The following WASF3 variants were observed in gnomAD, a reference collection of about 807,000 sequenced individuals.
The protein encoded by WASF3 is WASP family member 3.
In WASF3, 11 loss-of-function variants were observed where a neutral mutation model predicts 46.6. The observed-to-expected ratio is 0.24, with a 90% CI of 0.15 to 0.39. The LOEUF (loss-of-function observed/expected upper bound fraction) is 0.39. WASF3 is among the 10% of genes least tolerant of loss of function. The pLI, the probability that WASF3 is intolerant of heterozygous loss-of-function variation, is 1.00. For synonymous variants in WASF3, 242 were observed against 259.7 expected, an observed-to-expected ratio of 0.93 and a Z score of 0.65; for missense variants, 576 against 669.8, an observed-to-expected ratio of 0.86 and a Z score of 1.55.
chr13:26,551,869 C>T, the WASF3 span, among the ~76,000 whole-genome samples: 1 of 152,248 alleles, frequency 6.6e-6, no homozygotes, highest in South Asian at 2.1e-4. Context: ...CATAGAGATG[C>T]TATCAGATCT....
chr13:26,667,864 TTAC>T (rs1219161660), intron 5 of WASF3, among the ~76,000 whole-genome samples, 194 bp downstream of exon 5: 1 of 152,230 alleles, frequency 6.6e-6, no homozygotes, highest in African/African-American at 2.4e-5. Context: ...ATTATTAAAG[TTAC>T]AGTATTTCAG....
intron 1 of WASF3, among the ~76,000 whole-genome samples, chr13:26,593,999 T>G (rs1054785954): frequency 6.6e-6 from 1 of 152,244 alleles, no homozygotes; most frequent in African/African-American, 2.4e-5. Context: ...TTGTGTTCAT[T>G]CCTTTATTCA....
intron 1 of WASF3, among the ~76,000 whole-genome samples, chr13:26,558,438 A>G (rs1478007181): frequency 1.4e-5 from 2 of 145,730 alleles, no homozygotes; most frequent in Non-Finnish European, 3.1e-5. Flanking sequence ...AGTGCAGGGG[A>G]GGAGGTGGGG....
At chr13:26,674,294 T>C (rs1883001229) in intron 6 of WASF3, among the ~76,000 whole-genome samples, 1 of 152,198 alleles carries the variant, frequency 6.6e-6, no homozygotes, top group Admixed American at 6.5e-5. Context: ...ATTCATTATT[T>C]TTACACTTGA....
intron 2 of WASF3, among the ~76,000 whole-genome samples, chr13:26,613,269 A>C (rs915893774): frequency 6.6e-6 from 1 of 151,870 alleles, no homozygotes; most frequent in South Asian, 2.1e-4. Flanking sequence ...GAAAGAGAAA[A>C]AAAAACTTGA....
intron 1 of WASF3, among the ~76,000 whole-genome samples, chr13:26,572,715 G>C (rs907988785): frequency 6.6e-6 from 1 of 152,032 alleles, no homozygotes; most frequent in African/African-American, 2.4e-5. Context: ...ACCATGCTGG[G>C]CTAATTTTTG....
At chr13:26,608,972 T>A (rs1391239253) in intron 1 of WASF3, among the ~76,000 whole-genome samples, 1 of 152,118 alleles carries the variant, frequency 6.6e-6, no homozygotes, top group East Asian at 1.9e-4. Flanking sequence ...GTTTAGGAGG[T>A]AAGGCTGGAA....
intron 1 of WASF3, among the ~76,000 whole-genome samples, chr13:26,597,721 T>A (rs891627328): frequency 6.6e-6 from 1 of 152,154 alleles, no homozygotes; most frequent in African/African-American, 2.4e-5. Context: ...CGGTGTTTGG[T>A]TTTTTGTCCT....
chr13:26,675,514 AC>A (rs1432943482), intron 6 of WASF3, among the ~76,000 whole-genome samples: 7 of 143,824 alleles, frequency 4.9e-5, no homozygotes, highest in Non-Finnish European at 7.6e-5. Flanking sequence ...ACACACACAC[AC>A]ACACACACGT....
chr13:26,565,664 T>G (rs1012718713), intron 1 of WASF3, among the ~76,000 whole-genome samples: 1 of 152,074 alleles, frequency 6.6e-6, no homozygotes, highest in Non-Finnish European at 1.5e-5. Flanking sequence ...TTTTAATTCT[T>G]GCTGCAAACA....
chr13:26,574,863 G>T (rs1356620355), intron 1 of WASF3, among the ~76,000 whole-genome samples: 2 of 148,120 alleles, frequency 1.4e-5, no homozygotes, highest in Non-Finnish European at 3.0e-5. Flanking sequence ...TTGAGATGGA[G>T]TCTCGCTGTG....
At chr13:26,576,229 A>G (rs1182738421) in intron 1 of WASF3, among the ~76,000 whole-genome samples, 1 of 151,836 alleles carries the variant, frequency 6.6e-6, no homozygotes, top group Non-Finnish European at 1.5e-5. Context: ...TTTCATTTGA[A>G]TCTATTATTC....
chr13:26,554,421 G>T (rs916612470), upstream of WASF3, among the ~76,000 whole-genome samples: 2 of 152,004 alleles, frequency 1.3e-5, no homozygotes, highest in African/African-American at 4.8e-5. Context: ...GTGAGCCACT[G>T]CACATAGCCC....
chr13:26,615,439 G>T (rs1446916674), intron 2 of WASF3, among the ~76,000 whole-genome samples: 1 of 152,066 alleles, frequency 6.6e-6, no homozygotes, highest in African/African-American at 2.4e-5. Flanking sequence ...CTCCCGAGTA[G>T]CTGGGGTTAC....
Position 26,681,106 on chromosome 13 carries a change from T to C in WASF3, c.769T>C (p.Ser257Pro), listed in dbSNP as rs1883213180. ...DYSYPATPNH[S>P]LHPQPVTPSY... is the part of the protein sequence containing the mutation. ...CTCTTACCCGGCTACTCCCAACCAT[T>C]CTCTGCACCCCCAGCCTGTGACCCC... Residue 257 changes from serine to proline, a missense_variant, in exon 8 of 10, where the codon TCT becomes CCT. Ser to Pro is a moderately conservative substitution (Grantham distance 74). This residue lies in a region of WASF3 where 295 missense variants were observed against 291.5 expected (regional missense o/e 1.01). Coordinates refer to ENST00000335327, the MANE Select transcript of WASF3 (RefSeq NM_006646.6). 6.2e-6 allele frequency: 10 copies of C among 1,614,180 alleles called. No homozygotes were observed. The East Asian group carries it at 2.2e-4, about 36-fold the overall frequency.
chr13:26,619,185 C>T (rs1346708592), intron 2 of WASF3: 1 of 152,210 alleles, frequency 6.6e-6, no homozygotes, highest in Non-Finnish European at 1.5e-5. Context: ...TATGCACATA[C>T]ATGCCATACA....
At position 26,596,003 on chromosome 13, in the gene WASF3, A is replaced by G. The variant is rs566899526; in HGVS notation, c.-108-16958A>G. On this transcript the variant is annotated intron_variant, in intron 1 of 9. Transcript: ENST00000335327. ...TATATTTTCTCTGGGATAAATACCC[A>G]TGAATGTGATTATTGGAAAGTGAAT... Among the ~76,000 whole-genome samples the G allele has an allele frequency of 1.6e-4, 25 of 152,258 alleles. No individual in the cohort carries two copies. In the South Asian group the frequency reaches 5.0e-3, roughly 30 times the overall value.
chr13:26,675,374 C>G (rs970043825), intron 6 of WASF3, among the ~76,000 whole-genome samples: 3 of 151,846 alleles, frequency 2.0e-5, no homozygotes, highest in African/African-American at 7.3e-5. Flanking sequence ...CTCCTCTTGG[C>G]AGGCACCTGA....
At chr13:26,608,754 G>A (rs965347778) in intron 1 of WASF3, among the ~76,000 whole-genome samples, 11 of 152,120 alleles carry the variant, frequency 7.2e-5, no homozygotes, top group African/African-American at 2.4e-4. Context: ...CACAAAGATT[G>A]CTGTCTTGTT....
Sources: gnomAD v4.1 joint callset for allele counts (sites outside exome capture counted in the v4.1 genomes callset) on GRCh38, gnomAD v4.1.1 for gene constraint, gnomAD v4.1.1 regional missense constraint, MANE v1.5 for transcripts, NCBI Gene and HGNC (gene_info 2026-07-23, HGNC 2026-07-21) for gene names.